PIK3AP1: variants seen among roughly 807,000 people sequenced by gnomAD.
PIK3AP1 encodes phosphoinositide 3-kinase adapter protein 1.
Under a neutral mutation model 88.1 loss-of-function variants are expected in PIK3AP1, and 21 were observed. That is an observed-to-expected ratio of 0.24 (90% CI 0.17 to 0.34). The LOEUF is 0.34. Among genes scored for constraint, PIK3AP1 ranks in the 10% least tolerant of loss-of-function variants. The pLI is 1.00. For missense variants in PIK3AP1, 828 were observed against 1,035.7 expected (o/e 0.80, Z 2.75); for synonymous variants, 398 against 400.0 (o/e 1.00, Z 0.06).
chr10:96,693,763 C>G (rs887501673), intron 2 of PIK3AP1, among the ~76,000 whole-genome samples: 2 of 152,212 alleles, frequency 1.3e-5, no homozygotes, highest in Non-Finnish European at 2.9e-5. Flanking sequence ...TACTTTGCAA[C>G]AGACACACAT....
intron 11 of PIK3AP1, chr10:96,621,650 C>T (rs564379474): frequency 5.9e-5 from 9 of 152,490 alleles, no homozygotes; most frequent in East Asian, 5.8e-4. Flanking sequence ...GGGAGGCCAT[C>T]GCAGCCTGCC....
intron 2 of PIK3AP1, among the ~76,000 whole-genome samples, chr10:96,687,953 T>C (rs1289379362): frequency 1.3e-5 from 2 of 152,118 alleles, no homozygotes; most frequent in African/African-American, 4.8e-5. Context: ...GGAAGCTAGT[T>C]AGGGTGACTT....
At chr10:96,602,201 C>T in intron 16 of PIK3AP1, 79 bp downstream of exon 16, 1 of 1,201,110 alleles carries the variant, frequency 8.3e-7, no homozygotes, top group East Asian at 2.6e-5. Context: ...ATTCTTTAGT[C>T]ATCTTAGGTG....
intron 2 of PIK3AP1, among the ~76,000 whole-genome samples, chr10:96,674,528 A>G (rs1843890292): frequency 6.6e-6 from 1 of 152,264 alleles, no homozygotes. Flanking sequence ...TTTTTCTTCT[A>G]CTAGACTGTG....
chr10:96,647,381 G>A (rs1379218145), intron 7 of PIK3AP1, among the ~76,000 whole-genome samples: 2 of 152,056 alleles, frequency 1.3e-5, no homozygotes, highest in Non-Finnish European at 2.9e-5. Context: ...GATTGTGGTG[G>A]GGATTAAATG....
intron 2 of PIK3AP1, among the ~76,000 whole-genome samples, chr10:96,667,714 T>C (rs1159757696): frequency 6.6e-6 from 1 of 151,032 alleles, no homozygotes; most frequent in South Asian, 2.1e-4. Context: ...AAAATAAAAG[T>C]GTACAGCAAA....
intron 8 of PIK3AP1, among the ~76,000 whole-genome samples, chr10:96,628,889 CAT>C (rs745432871): frequency 0.056 from 3,405 of 60,824 alleles, 265 homozygotes; most frequent in African/African-American, 0.19. Flanking sequence ...TATATATATA[CAT>C]ATATATATAT....
chr10:96,649,788 G>A (rs895085796), intron 6 of PIK3AP1, among the ~76,000 whole-genome samples: 3 of 152,222 alleles, frequency 2.0e-5, no homozygotes, highest in African/African-American at 7.2e-5. Flanking sequence ...CCACCAGGAC[G>A]TCAGTTCACT....
intron 13 of PIK3AP1, among the ~76,000 whole-genome samples, chr10:96,614,697 C>G (rs72818904): frequency 0.021 from 3,232 of 152,298 alleles, 59 homozygotes; most frequent in Non-Finnish European, 0.027. Flanking sequence ...GATGGTGAAG[C>G]TAGTGTCTCA....
intron 2 of PIK3AP1, among the ~76,000 whole-genome samples, chr10:96,705,804 A>T (rs1024841331): frequency 6.6e-6 from 1 of 151,268 alleles, no homozygotes; most frequent in African/African-American, 2.4e-5. Flanking sequence ...ACAGGTCTCA[A>T]ACTTCAAAGC....
chr10:96,720,118 G>A lies in PIK3AP1; in HGVS notation c.13+264C>T, dbSNP rs1844552036. ...CTCAGACACTCCTAGGGCCAGAGGT[G>A]GAGGGAGCGAAGGAGACCCTGAAGA... On this transcript the variant is annotated intron_variant, in intron 1 of 16. Coordinates refer to ENST00000339364, the MANE Select transcript of PIK3AP1 (RefSeq NM_152309.3). The surrounding 1 kb of genome is among the most constrained non-coding windows in gnomAD (Gnocchi z 4.6). Among the ~76,000 whole-genome samples, 3 of 152,224 alleles carry A rather than the reference G, an allele frequency of 2.0e-5. No homozygotes were observed. The South Asian group carries it at 6.2e-4, about 32-fold the overall frequency.
intron 8 of PIK3AP1, among the ~76,000 whole-genome samples, chr10:96,637,314 T>TCACACACACACACACACACA (rs55885337): frequency 7.8e-6 from 1 of 127,998 alleles, no homozygotes; most frequent in African/African-American, 2.8e-5. Context: ...AGATATACAA[T>TCACACACACACACACACACA]CACACACACA....
chr10:96,647,788 C>A (rs1843480444), intron 7 of PIK3AP1, among the ~76,000 whole-genome samples: 1 of 152,184 alleles, frequency 6.6e-6, no homozygotes, highest in South Asian at 2.1e-4. Context: ...TGTGAGGTCA[C>A]AGCCCCATGC....
chr10:96,643,213 A>G (rs1474079491), intron 8 of PIK3AP1, among the ~76,000 whole-genome samples: 3 of 152,216 alleles, frequency 2.0e-5, no homozygotes, highest in African/African-American at 7.2e-5. Context: ...TAGGGGAAGA[A>G]AGGCTATAGA....
At chr10:96,606,084 A>C (rs1848997885) in intron 14 of PIK3AP1, among the ~76,000 whole-genome samples, 1 of 150,508 alleles carries the variant, frequency 6.6e-6, no homozygotes, top group Non-Finnish European at 1.5e-5. Flanking sequence ...CTCCGTCTCA[A>C]AAACAAAAAC....
chr10:96,706,095 G>T (rs1195793847), intron 2 of PIK3AP1, among the ~76,000 whole-genome samples: 1 of 151,348 alleles, frequency 6.6e-6, no homozygotes, highest in Non-Finnish European at 1.5e-5. Context: ...GGGTTTCACC[G>T]TGTTAGCCAG....
chr10:96,686,799 A>G (rs1844075426), intron 2 of PIK3AP1, among the ~76,000 whole-genome samples: 1 of 151,882 alleles, frequency 6.6e-6, no homozygotes, highest in Non-Finnish European at 1.5e-5. Flanking sequence ...AATCCAAACC[A>G]ACTTGGTTCG....
Position 96,629,909 on chromosome 10 carries a change from C to CAAAAAA in PIK3AP1, c.1376-1422_1376-1417dup, listed in dbSNP as rs66669261. On this transcript the variant is annotated intron_variant, in intron 8 of 16. Coordinates refer to ENST00000339364, the MANE Select transcript of PIK3AP1 (RefSeq NM_152309.3). ...ACCCTGTCTCAATAACAACAACAACCAAAAAAAAAAAAAAAAAAAAAAAGA... is the reference window on the plus strand; with the variant it reads ...ACCCTGTCTCAATAACAACAACAACCAAAAAAAAAAAAAAAAAAAAAAAAAAAAAGA... Among the ~76,000 whole-genome samples the CAAAAAA allele has an allele frequency of 1.5e-3, 8 of 5,414 alleles. 1 individual carries two copies. Among genetic ancestry groups the CAAAAAA allele is most frequent in the Non-Finnish European group, 3.2e-3 (2 of 618 alleles). The allele number at this position is 5,414 out of a possible 152,430, so 3.6% of individuals were successfully genotyped here.
At chr10:96,642,425 C>CAAAA (rs34912752) in intron 8 of PIK3AP1, among the ~76,000 whole-genome samples, 5 of 98,950 alleles carry the variant, frequency 5.1e-5, no homozygotes, top group African/African-American at 7.3e-5. Flanking sequence ...GATGTTGTCT[C>CAAAA]AAAAAAAAAA....
Sources: gnomAD v4.1 joint callset for allele counts (sites outside exome capture counted in the v4.1 genomes callset) on GRCh38, gnomAD v4.1.1 for gene constraint, Gnocchi (gnomAD v3.1) non-coding constraint, MANE v1.5 for transcripts, NCBI Gene and HGNC (gene_info 2026-07-23, HGNC 2026-07-21) for gene names.